PRLR: variants seen among roughly 807,000 people sequenced by gnomAD.
The protein encoded by PRLR is hPRL receptor.
PRLR carries 13 observed loss-of-function variants against 40.2 expected under a neutral mutation model. The ratio of observed to expected loss-of-function variants is 0.32; its 90% CI spans 0.21 to 0.51. The LOEUF (loss-of-function observed/expected upper bound fraction) is 0.51, where lower values mean the gene tolerates loss of function less well. Ranked by LOEUF, PRLR falls within the 20% of genes least tolerant of loss-of-function variation. The pLI is 0.97. For synonymous variants in PRLR, 269 were observed against 278.7 expected (o/e 0.97, Z 0.35); for missense variants, 656 against 747.3 (o/e 0.88, Z 1.42).
intron 8 of PRLR, 51 bp from the exon 9 acceptor site, chr5:35,068,336 AT>A: frequency 6.5e-7 from 1 of 1,533,888 alleles, no homozygotes; most frequent in South Asian, 1.1e-5. Context: ...TGACTTTGTA[AT>A]TTTTGAAAGG....
chr5:35,188,527 A>C (rs1775510019), intron 1 of PRLR, among the ~76,000 whole-genome samples: 1 of 152,200 alleles, frequency 6.6e-6, no homozygotes, highest in Admixed American at 6.5e-5. Flanking sequence ...CTTTAAAAGA[A>C]ATGGCAGTTG....
chr5:35,137,176 C>G (rs1189937229), intron 1 of PRLR, among the ~76,000 whole-genome samples: 1 of 152,124 alleles, frequency 6.6e-6, no homozygotes. Context: ...ATAGACATTA[C>G]GATCCTCATT....
At chr5:35,107,939 C>T (rs1772380794) in intron 2 of PRLR, among the ~76,000 whole-genome samples, 1 of 152,144 alleles carries the variant, frequency 6.6e-6, no homozygotes, top group Non-Finnish European at 1.5e-5. Context: ...AATTTTAGAC[C>T]AATATCCTTG....
At chr5:35,210,348 G>C (rs1285322368) in intron 1 of PRLR, among the ~76,000 whole-genome samples, 1 of 152,108 alleles carries the variant, frequency 6.6e-6, no homozygotes, top group Non-Finnish European at 1.5e-5. Flanking sequence ...TGTGCCTTAG[G>C]GTTTCAGAGA....
Position 35,068,874 on chromosome 5 carries a change from G to T in PRLR, c.690C>A (p.Phe230Leu), listed in dbSNP as rs202092908. The change falls in exon 8 of 10, where the codon TTC (phenylalanine) becomes TTA (leucine). Residue 230 changes from phenylalanine to leucine, a missense_variant. Physicochemically the swap from Phe to Leu is conservative, Grantham distance 22 (BLOSUM62 0). Transcript: ENST00000618457. ...TCCACACGGTTGTATCATTCATGGT[G>T]AAGTCTAAAAAACAAACAGCCAGAA... ...PATFIQIPSD[F>L]TMNDTTVWIS... The T allele has an allele frequency of 6.2e-7, 1 of 1,609,168 alleles. No homozygotes were observed. The highest frequency in any genetic ancestry group is 8.5e-7 in the Non-Finnish European group (1 of 1,175,802).
intron 1 of PRLR, among the ~76,000 whole-genome samples, chr5:35,134,551 C>T (rs1333893145): frequency 2.0e-5 from 3 of 152,202 alleles, no homozygotes; most frequent in South Asian, 2.1e-4. Context: ...CTTGACTACA[C>T]GATGCCAAAA....
rs145911236 is a variant in PRLR, at chr5:35,102,481, G to A, written c.-43-12818C>T. Among the ~76,000 whole-genome samples, 489 of 129,876 alleles carry A rather than the reference G, an allele frequency of 3.8e-3. 5 individuals are homozygous for A. The highest frequency in any genetic ancestry group is 0.013 in the African/African-American group (418 of 33,218). 85.2% of individuals were successfully genotyped at this position (129,876 alleles called of 152,430 possible). ...TTCCTGTCCCATCCCGTCCCGTCCCGTCCCGTCTCCTCTCCACTCCTCTCC... is the reference window on the plus strand; with the variant it reads ...TTCCTGTCCCATCCCGTCCCGTCCCATCCCGTCTCCTCTCCACTCCTCTCC... On this transcript the variant is annotated intron_variant, in intron 2 of 9. Transcript: ENST00000618457.
intron 4 of PRLR, 130 bp from the exon 5 acceptor site, chr5:35,084,769 G>A: frequency 2.5e-6 from 2 of 794,434 alleles, no homozygotes; most frequent in Non-Finnish European, 1.9e-6. Flanking sequence ...GCTGACAAAT[G>A]GTTCCTTAGG....
intron 1 of PRLR, among the ~76,000 whole-genome samples, chr5:35,160,538 T>A (rs1425940415): frequency 6.6e-6 from 1 of 152,222 alleles, no homozygotes; most frequent in Non-Finnish European, 1.5e-5. Flanking sequence ...TGTAAAGCCA[T>A]GAGAGAGCCC....
chr5:35,118,409 C>T lies in PRLR; in HGVS notation c.-105-287G>A, dbSNP rs779997848. Reference sequence around the variant, plus strand: ...ACATCTGATTTATAATCTTTCTTCTCTGTATATAAAAGTTACTTCCTAATT... The same window carrying T: ...ACATCTGATTTATAATCTTTCTTCTTTGTATATAAAAGTTACTTCCTAATT... On this transcript the variant is annotated intron_variant, in intron 1 of 9. Transcript: ENST00000618457. Among the ~76,000 whole-genome samples the T allele has an allele frequency of 1.6e-4, 24 of 151,726 alleles. 1 individual carries two copies. The highest frequency in any genetic ancestry group is 2.8e-4 in the Non-Finnish European group (19 of 67,986).
chr5:35,159,155 A>T (rs1774596857), intron 1 of PRLR, among the ~76,000 whole-genome samples: 1 of 152,000 alleles, frequency 6.6e-6, no homozygotes, highest in Admixed American at 6.6e-5. Flanking sequence ...CATGGAAGAG[A>T]TCTGGATTAC....
intron 1 of PRLR, among the ~76,000 whole-genome samples, chr5:35,120,546 A>G (rs1773253944): frequency 6.6e-6 from 1 of 152,206 alleles, no homozygotes. Flanking sequence ...ATGAGGATAT[A>G]CCATTATGGG....
intron 5 of PRLR, among the ~76,000 whole-genome samples, chr5:35,076,462 G>A (rs900407324): frequency 7.2e-5 from 11 of 152,096 alleles, no homozygotes; most frequent in African/African-American, 2.7e-4. Flanking sequence ...AAGATAAAAT[G>A]AATGAAATGA....
At chr5:35,095,693 T>C (rs1269028050) in intron 2 of PRLR, among the ~76,000 whole-genome samples, 1 of 152,238 alleles carries the variant, frequency 6.6e-6, no homozygotes, top group Non-Finnish European at 1.5e-5. Flanking sequence ...CGTGTGGTCA[T>C]TCATTATTAT....
rs188665763 is a variant in PRLR, at chr5:35,148,933, T to A, written c.-105-30811A>T. Among the ~76,000 whole-genome samples, 782 of 152,054 alleles carry A rather than the reference T, an allele frequency of 5.1e-3. 6 individuals are homozygous for A. Among genetic ancestry groups the A allele is most frequent in the African/African-American group, 0.018 (731 of 41,548 alleles). ...GTATATATAGATACAGAATTTTAAA[T>A]ATCAAATATATATATACACAAAAAT... On this transcript the variant is annotated intron_variant, in intron 1 of 9. Coordinates refer to ENST00000618457, the MANE Select transcript of PRLR (RefSeq NM_000949.7).
At chr5:35,186,354 T>A (rs1775431093) in intron 1 of PRLR, among the ~76,000 whole-genome samples, 1 of 152,220 alleles carries the variant, frequency 6.6e-6, no homozygotes. Flanking sequence ...CAAGTACACA[T>A]TCCCTCTCCT....
At chr5:35,222,911 C>T (rs10064495) in intron 1 of PRLR, among the ~76,000 whole-genome samples, 89,042 of 152,024 alleles carry the variant, frequency 0.59, 27,468 homozygotes, top group Non-Finnish European at 0.69. Context: ...ACTGTGGGCA[C>T]TATTAGGCAT....
intron 2 of PRLR, among the ~76,000 whole-genome samples, chr5:35,099,084 A>G (rs1382835167): frequency 6.6e-6 from 1 of 152,246 alleles, no homozygotes; most frequent in East Asian, 1.9e-4. Context: ...TCATAGGAAT[A>G]GTAAAAACAT....
intron 2 of PRLR, among the ~76,000 whole-genome samples, chr5:35,091,463 C>G (rs1353472461): frequency 6.6e-6 from 1 of 152,190 alleles, no homozygotes; most frequent in Non-Finnish European, 1.5e-5. Flanking sequence ...CAGGTTTTAA[C>G]AGATGAGCAA....
Sources: gnomAD v4.1 joint callset for allele counts (sites outside exome capture counted in the v4.1 genomes callset) on GRCh38, gnomAD v4.1.1 for gene constraint, MANE v1.5 for transcripts, NCBI Gene and HGNC (gene_info 2026-07-23, HGNC 2026-07-21) for gene names.